Variants in COL6A2 observed in about 807,000 individuals in gnomAD.
COL6A2 encodes the protein collagen type VI alpha 2 chain, also known as collagen alpha-2(VI) chain.
Under a neutral mutation model 124.9 loss-of-function variants are expected in COL6A2, and 90 were observed. That is an observed-to-expected ratio of 0.72 (90% CI 0.61 to 0.86). The LOEUF is 0.86. COL6A2 is among the 40% of genes least tolerant of loss of function. The pLI is 0.00. For synonymous variants in COL6A2, 793 were observed against 618.2 expected (o/e 1.28, Z -4.19); for missense variants, 1,607 against 1,502.5 (o/e 1.07, Z -1.15).
intron 1 of COL6A2, among the ~76,000 whole-genome samples, chr21:46,106,021 C>T (rs1292874220): frequency 6.6e-6 from 1 of 152,060 alleles, no homozygotes; most frequent in East Asian, 1.9e-4. Flanking sequence ...AATAGATTGA[C>T]AGTGAAAGGA....
chr21:46,125,326 AC>A lies in COL6A2; in HGVS notation c.1816+16del. ...CGGGTGCTGCGGTGAGGCACTGCCC[AC>A]GGCAGGGTCGGGGCCCATGCACCGG... On this transcript the variant is annotated intron_variant, in intron 24 of 27. Coordinates refer to ENST00000300527, the MANE Select transcript of COL6A2 (RefSeq NM_001849.4). 6.2e-7 allele frequency: 1 copy of A among 1,608,568 alleles called. No individual in the cohort carries two copies. Among genetic ancestry groups the A allele is most frequent in the Non-Finnish European group, 8.5e-7 (1 of 1,177,320 alleles).
chr21:46,112,965 G>A, intron 4 of COL6A2, 141 bp downstream of exon 4: 1 of 1,095,244 alleles, frequency 9.1e-7, no homozygotes, highest in South Asian at 1.3e-5. Context: ...TTGGACCTGA[G>A]GCCTTGGAGT....
At chr21:46,117,558 G>C (rs2078491794) in intron 11 of COL6A2, 105 bp downstream of exon 11, 1 of 1,123,050 alleles carries the variant, frequency 8.9e-7, no homozygotes, top group African/African-American at 1.5e-5. Flanking sequence ...GGTTCTCCCG[G>C]CAGCCCAGCA....
chr21:46,120,980 A>G, intron 16 of COL6A2, 81 bp from the exon 17 acceptor site: 1 of 1,330,874 alleles, frequency 7.5e-7, no homozygotes, highest in Admixed American at 1.7e-5. Flanking sequence ...GAGGCCCTGC[A>G]GTGTCCACAG....
chr21:46,125,972 G>A lies in COL6A2; in HGVS notation c.2157G>A (p.Arg719=), dbSNP rs1302725917. The A allele has an allele frequency of 1.2e-6, 2 of 1,613,032 alleles. No individual in the cohort carries two copies. The highest frequency in any genetic ancestry group is 2.7e-5 in the African/African-American group (2 of 74,904). ...ACGACCGCCTCATCAAGGAGAGCCGGCGCCAGAAGACACGTGTGTTTGCGG... is the reference window on the plus strand; with the variant it reads ...ACGACCGCCTCATCAAGGAGAGCCGACGCCAGAAGACACGTGTGTTTGCGG... ...FAYDRLIKES[R]RQKTRVFAVV... Residue 719 remains arginine (R), a synonymous_variant, in exon 26 of 28, where the codon CGG becomes CGA. Coordinates refer to ENST00000300527, the MANE Select transcript of COL6A2 (RefSeq NM_001849.4).
At position 46,132,829 on chromosome 21, in the gene COL6A2, C is replaced by G; in HGVS notation, c.*277C>G. The G allele has an allele frequency of 3.6e-6, 2 of 551,156 alleles. No homozygotes were observed. The highest frequency in any genetic ancestry group is 6.6e-6 in the Non-Finnish European group (2 of 305,026). The allele number at this position is 551,156 out of a possible 1,614,324, so 34.1% of individuals were successfully genotyped here. A position where few individuals can be genotyped will look rare whatever the true frequency, so the allele number is the denominator to read the frequency against. Reference sequence around the variant, plus strand: ...CTGAGCTCTGGAGCAAGCCCTGACCCAATAAAGGCTTTGAACCCATTGCGT... The same window carrying G: ...CTGAGCTCTGGAGCAAGCCCTGACCGAATAAAGGCTTTGAACCCATTGCGT... On this transcript the variant is annotated 3_prime_UTR_variant, in exon 28 of 28. Coordinates refer to ENST00000300527, the MANE Select transcript of COL6A2 (RefSeq NM_001849.4).
In COL6A2 at chr21:46,116,690, G is replaced by A; in HGVS notation, c.954+13G>A. 6.2e-7 allele frequency: 1 copy of A among 1,613,074 alleles called. No homozygotes were observed. Among genetic ancestry groups the A allele is most frequent in the East Asian group, 2.2e-5 (1 of 44,890 alleles). ...CGACGGTCGCAAGGTAGGCTGGCTG[G>A]GTAGGCAGAGCCCCTCCTTCCTGCT... is the stretch of plus-strand genomic sequence containing the variant. On this transcript the variant is annotated intron_variant, in intron 9 of 27. Transcript: ENST00000300527. This position sits in a 1 kb window ranked among gnomAD's most constrained non-coding sequence, Gnocchi z 4.6.
At chr21:46,122,291 G>A in intron 19 of COL6A2, 133 bp downstream of exon 19, 2 of 1,243,718 alleles carry the variant, frequency 1.6e-6, no homozygotes, top group Non-Finnish European at 2.3e-6. Flanking sequence ...GCGGGACAGA[G>A]TGGTGAGAAG....
intron 21 of COL6A2, among the ~76,000 whole-genome samples, chr21:46,124,067 G>C (rs879447825): frequency 3.3e-5 from 5 of 151,016 alleles, no homozygotes; most frequent in Non-Finnish European, 7.4e-5. Flanking sequence ...TGAACGGATG[G>C]ACCGATGGAT....
At chr21:46,106,731 C>T (rs955807344) in intron 1 of COL6A2, among the ~76,000 whole-genome samples, 5 of 152,148 alleles carry the variant, frequency 3.3e-5, no homozygotes, top group East Asian at 1.9e-4. Context: ...CCTAAGTTCT[C>T]GTGTGTTGTT....
At chr21:46,122,634 C>A in intron 20 of COL6A2, 103 bp downstream of exon 20, 1 of 1,342,184 alleles carries the variant, frequency 7.5e-7, no homozygotes, top group Non-Finnish European at 1.1e-6. Context: ...CCACCCCTGT[C>A]TTGAGATGGT....
intron 1 of COL6A2, among the ~76,000 whole-genome samples, chr21:46,099,345 A>G (rs1282772399): frequency 1.3e-5 from 2 of 150,786 alleles, no homozygotes; most frequent in East Asian, 2.0e-4. Flanking sequence ...AATCCCAGCT[A>G]ATCGGGAGGC....
intron 25 of COL6A2, 38 bp from the exon 26 acceptor site, chr21:46,125,747 G>A (rs371323809): frequency 6.5e-5 from 104 of 1,605,690 alleles, no homozygotes; most frequent in Middle Eastern, 3.3e-4. Context: ...CCCAGACCCC[G>A]AGGCCTCTGG....
At chr21:46,128,943 G>T (rs772496397) in intron 27 of COL6A2, 9 of 1,611,332 alleles carry the variant, frequency 5.6e-6, no homozygotes, top group Admixed American at 1.7e-5. Flanking sequence ...TTTTCTCGGG[G>T]TCCGTGGTGT....
intron 27 of COL6A2, among the ~76,000 whole-genome samples, chr21:46,127,032 G>GA (rs1568941881): frequency 1.3e-5 from 2 of 152,222 alleles, no homozygotes; most frequent in African/African-American, 4.8e-5. Context: ...GGGAGTGGGG[G>GA]AGCCCATGTC....
chr21:46,131,121 G>A (rs1601263719), intron 27 of COL6A2, among the ~76,000 whole-genome samples: 2 of 152,322 alleles, frequency 1.3e-5, no homozygotes, highest in South Asian at 2.1e-4. Flanking sequence ...ACACCCTTGG[G>A]GAAACTGGCT....
intron 1 of COL6A2, among the ~76,000 whole-genome samples, chr21:46,098,638 C>T (rs1490880856): frequency 1.3e-5 from 2 of 150,076 alleles, no homozygotes; most frequent in East Asian, 2.0e-4. Flanking sequence ...CCGGGCCGGA[C>T]GGAAGGGGCG....
chr21:46,117,833 A>C (rs899422658), intron 11 of COL6A2, 41 bp from the exon 12 acceptor site: 3,416 of 1,571,134 alleles, frequency 2.2e-3, no homozygotes, highest in Non-Finnish European at 2.7e-3. Flanking sequence ...GGAGAACCCC[A>C]CCCGCCGTGT....
chr21:46,115,079 C>T (rs781181405), intron 5 of COL6A2, among the ~76,000 whole-genome samples: 8 of 152,264 alleles, frequency 5.3e-5, no homozygotes, highest in Non-Finnish European at 8.8e-5. Context: ...GTGGCAATGC[C>T]GACCCTACTA....
Sources: allele counts gnomAD v4.1 joint callset (sites outside exome capture counted in the v4.1 genomes callset), GRCh38; gene constraint gnomAD v4.1.1; non-coding constraint Gnocchi (gnomAD v3.1); transcripts MANE v1.5; gene names NCBI Gene and HGNC (gene_info 2026-07-23, HGNC 2026-07-21).